DNM3: variants seen among roughly 807,000 people sequenced by gnomAD.
DNM3 encodes dynamin 3.
DNM3 carries 47 observed loss-of-function variants against 101.6 expected under a neutral mutation model. The observed-to-expected ratio is 0.46, with a 90% CI of 0.37 to 0.59. The LOEUF is 0.59. DNM3 is among the 20% of genes least tolerant of loss of function. The pLI is 0.00. For missense variants in DNM3, 849 were observed against 1,085.7 expected (o/e 0.78, Z 3.06); for synonymous variants, 385 against 387.9 (o/e 0.99, Z 0.09).
intron 14 of DNM3, chr1:172,139,107 C>A: frequency 3.1e-6 from 1 of 321,596 alleles, no homozygotes; most frequent in Admixed American, 4.4e-5. Flanking sequence ...AATGTGCTAA[C>A]ATGGATAATT....
At chr1:172,125,646 C>A (rs1295002752) in intron 13 of DNM3, among the ~76,000 whole-genome samples, 5 of 152,080 alleles carry the variant, frequency 3.3e-5, no homozygotes, top group Non-Finnish European at 5.9e-5. Context: ...TTAAAAAAAA[C>A]AGTTTGTCTC....
intron 1 of DNM3, among the ~76,000 whole-genome samples, chr1:171,889,014 C>T (rs2037022105): frequency 6.6e-6 from 1 of 152,288 alleles, no homozygotes; most frequent in African/African-American, 2.4e-5. Flanking sequence ...CTCTCTCTGT[C>T]TCTCACTCAG....
chr1:171,940,716 T>C (rs376555441), intron 2 of DNM3, among the ~76,000 whole-genome samples: 1 of 152,216 alleles, frequency 6.6e-6, no homozygotes, highest in Non-Finnish European at 1.5e-5. Flanking sequence ...AAATGTCTAT[T>C]TGCCCTTGTT....
At chr1:172,006,257 CTT>C (rs2046681513) in intron 4 of DNM3, among the ~76,000 whole-genome samples, 1 of 152,024 alleles carries the variant, frequency 6.6e-6, no homozygotes, top group South Asian at 2.1e-4. Flanking sequence ...GAGGAACGCT[CTT>C]GTCTGTTGTC....
intron 1 of DNM3, among the ~76,000 whole-genome samples, chr1:171,906,451 C>T (rs543028553): frequency 1.9e-4 from 29 of 151,178 alleles, no homozygotes; most frequent in African/African-American, 5.8e-4. Flanking sequence ...TTTTTTTGCC[C>T]GACCCCCAGC....
chr1:172,256,904 T>A (rs539873479), intron 15 of DNM3, among the ~76,000 whole-genome samples: 1 of 59,426 alleles, frequency 1.7e-5, no homozygotes, highest in African/African-American at 3.7e-5. Context: ...TTCTTCATCA[T>A]GTTTTTTTTT....
Position 171,898,703 on chromosome 1 carries a change from T to G in DNM3, c.162-23045T>G, listed in dbSNP as rs201204492. Among the ~76,000 whole-genome samples, 734 of 127,628 alleles carry G rather than the reference T, an allele frequency of 5.8e-3. 4 individuals carry two copies. The highest frequency in any genetic ancestry group is 0.015 in the African/African-American group (547 of 35,790). The allele number at this position is 127,628 out of a possible 152,430, so 83.7% of individuals were successfully genotyped here. On this transcript the variant is annotated intron_variant, in intron 1 of 20. Transcript: ENST00000627582. ...GTGTGTGTGTATATACATATATATA[T>G]ATAGAGAGAGAGAGAGAAATCATAT...
At chr1:171,891,598 AT>A (rs574736525) in intron 1 of DNM3, among the ~76,000 whole-genome samples, 58 of 152,232 alleles carry the variant, frequency 3.8e-4, no homozygotes, top group African/African-American at 1.3e-3. Context: ...CTCTTCTTAG[AT>A]GTGACAATTT....
At chr1:172,067,390 C>T (rs2051769540) in intron 10 of DNM3, among the ~76,000 whole-genome samples, 1 of 152,152 alleles carries the variant, frequency 6.6e-6, no homozygotes, top group African/African-American at 2.4e-5. Context: ...CCATTATTTC[C>T]ATTCCATCTG....
At chr1:172,200,454 A>C (rs192216387) in intron 14 of DNM3, among the ~76,000 whole-genome samples, 1 of 152,118 alleles carries the variant, frequency 6.6e-6, no homozygotes, top group African/African-American at 2.4e-5. Context: ...TGGCCTCTCT[A>C]GCAAGGTTGG....
chr1:172,167,472 C>T (rs1322170717), intron 14 of DNM3, among the ~76,000 whole-genome samples: 2 of 152,040 alleles, frequency 1.3e-5, no homozygotes, highest in African/African-American at 2.4e-5. Flanking sequence ...ATTTCTAGTT[C>T]TAGATCCTTG....
chr1:172,328,325 T>C (rs1174189058), intron 17 of DNM3, among the ~76,000 whole-genome samples: 2 of 152,218 alleles, frequency 1.3e-5, no homozygotes, highest in Non-Finnish European at 1.5e-5. Context: ...CTTCATGATA[T>C]TTTTAATGGA....
At position 172,122,073 on chromosome 1, in the gene DNM3, C is replaced by G. The variant is rs969170552; in HGVS notation, c.1546-9102C>G. 2.0e-5 allele frequency among the ~76,000 whole-genome samples: 3 copies of G among 152,126 alleles called. No homozygotes were observed. The East Asian group carries it at 5.8e-4, about 29-fold the overall frequency. On this transcript the variant is annotated intron_variant, in intron 13 of 20. Transcript: ENST00000627582. The stretch of plus-strand genomic sequence containing the variant: ...GTGTTCATTATACATTAAAGGGAAT[C>G]TCAAGAAATTGCCTCTTTTAAACAA...
At chr1:172,024,054 G>A (rs2048029649) in intron 4 of DNM3, among the ~76,000 whole-genome samples, 1 of 151,762 alleles carries the variant, frequency 6.6e-6, no homozygotes, top group Non-Finnish European at 1.5e-5. Flanking sequence ...CAGAATATTA[G>A]TAAAAATGAT....
chr1:172,318,090 A>G (rs2065485354), intron 16 of DNM3, among the ~76,000 whole-genome samples: 1 of 152,254 alleles, frequency 6.6e-6, no homozygotes, highest in Admixed American at 6.5e-5. Context: ...AATATATGTA[A>G]ATCAATAAAT....
intron 14 of DNM3, among the ~76,000 whole-genome samples, chr1:172,167,322 T>A (rs890901150): frequency 6.6e-6 from 1 of 152,118 alleles, no homozygotes; most frequent in Non-Finnish European, 1.5e-5. Context: ...TCTATCATTG[T>A]TGGACATTTG....
intron 1 of DNM3, among the ~76,000 whole-genome samples, chr1:171,887,683 T>C (rs1442462130): frequency 6.6e-6 from 1 of 152,218 alleles, no homozygotes; most frequent in Non-Finnish European, 1.5e-5. Context: ...CAAAAAAATC[T>C]CTGCTGTATT....
intron 16 of DNM3, among the ~76,000 whole-genome samples, chr1:172,311,632 G>A (rs2065086872): frequency 6.6e-6 from 1 of 152,114 alleles, no homozygotes; most frequent in Non-Finnish European, 1.5e-5. Context: ...AATCTCTTAT[G>A]AGGGAAAAAC....
chr1:172,084,321 C>T (rs751260911), intron 12 of DNM3, among the ~76,000 whole-genome samples: 37 of 152,096 alleles, frequency 2.4e-4, no homozygotes, highest in Non-Finnish European at 3.4e-4. Context: ...CATACATGCA[C>T]GTGTGCACAC....
Sources: allele counts gnomAD v4.1 joint callset (sites outside exome capture counted in the v4.1 genomes callset), GRCh38; gene constraint gnomAD v4.1.1; transcripts MANE v1.5; gene names NCBI Gene and HGNC (gene_info 2026-07-23, HGNC 2026-07-21).